The following CACHD1 variants were observed in gnomAD, a reference collection of about 807,000 sequenced individuals.
CACHD1 encodes cache domain containing 1.
Under a neutral mutation model 138.7 loss-of-function variants are expected in CACHD1, and 71 were observed. The observed-to-expected ratio is 0.51, with a 90% CI of 0.42 to 0.62. The LOEUF is 0.62. Among genes scored for constraint, CACHD1 ranks in the 20% least tolerant of loss-of-function variants. The pLI is 0.00. For synonymous variants in CACHD1, 578 were observed against 591.5 expected (o/e 0.98, Z 0.33); for missense variants, 1,389 against 1,625.3 (o/e 0.85, Z 2.50).
At chr1:64,542,723 A>G (rs1646686699) in intron 1 of CACHD1, among the ~76,000 whole-genome samples, 1 of 152,148 alleles carries the variant, frequency 6.6e-6, no homozygotes, top group African/African-American at 2.4e-5. Context: ...AAACTCTATT[A>G]AAGATGATCT....
intron 7 of CACHD1, among the ~76,000 whole-genome samples, chr1:64,634,623 A>T (rs928489009): frequency 6.6e-6 from 1 of 152,098 alleles, no homozygotes; most frequent in Non-Finnish European, 1.5e-5. Context: ...GAACTCAAGC[A>T]ATCCACCTGC....
At chr1:64,652,455 T>TAA in intron 10 of CACHD1, 145 bp downstream of exon 10, 1 of 682,544 alleles carries the variant, frequency 1.5e-6, no homozygotes, top group South Asian at 2.2e-5. Context: ...TAGAACACCG[T>TAA]AAAGATGGCA....
chr1:64,670,539 C>T (rs1243030709), intron 16 of CACHD1, among the ~76,000 whole-genome samples: 5 of 152,164 alleles, frequency 3.3e-5, no homozygotes, highest in Non-Finnish European at 7.4e-5. Context: ...AGCACATGCC[C>T]TCCCAGTTAC....
intron 1 of CACHD1, among the ~76,000 whole-genome samples, chr1:64,524,541 T>C (rs140575337): frequency 7.2e-4 from 110 of 152,332 alleles, no homozygotes; most frequent in Middle Eastern, 3.4e-3. Flanking sequence ...ATGTAATATG[T>C]AGCACTTAAC....
chr1:64,650,060 AAATC>A (rs1175227013), intron 9 of CACHD1, among the ~76,000 whole-genome samples: 1 of 152,212 alleles, frequency 6.6e-6, no homozygotes, highest in Non-Finnish European at 1.5e-5. Flanking sequence ...TTTAAAAAGT[AAATC>A]TATGTGCTTT....
At chr1:64,536,783 A>T (rs1039453042) in intron 1 of CACHD1, among the ~76,000 whole-genome samples, 3 of 152,238 alleles carry the variant, frequency 2.0e-5, no homozygotes, top group Non-Finnish European at 4.4e-5. Context: ...CAGTTTTAAT[A>T]CCAGCTACAT....
intron 1 of CACHD1, among the ~76,000 whole-genome samples, chr1:64,514,476 C>G (rs1036703279): frequency 2.6e-4 from 39 of 152,122 alleles, no homozygotes; most frequent in African/African-American, 8.7e-4. Flanking sequence ...AGTCTTCTAG[C>G]TTTAACATTG....
At chr1:64,689,858 A>G (rs971396433) in intron 26 of CACHD1, among the ~76,000 whole-genome samples, 2 of 152,190 alleles carry the variant, frequency 1.3e-5, no homozygotes, top group Non-Finnish European at 2.9e-5. Context: ...TTATTCCCCC[A>G]GGCAGAATTA....
At chr1:64,649,010 A>T (rs1205113258) in intron 9 of CACHD1, among the ~76,000 whole-genome samples, 1 of 152,182 alleles carries the variant, frequency 6.6e-6, no homozygotes, top group Non-Finnish European at 1.5e-5. Context: ...GTAGCTAATT[A>T]TTAGCCAGAC....
intron 9 of CACHD1, among the ~76,000 whole-genome samples, chr1:64,650,701 T>A (rs1433632828): frequency 6.6e-6 from 1 of 152,216 alleles, no homozygotes; most frequent in East Asian, 1.9e-4. Flanking sequence ...AAGCTCATTC[T>A]TTGTAGAAGC....
chr1:64,557,522 CG>C (rs1442987291), intron 2 of CACHD1, among the ~76,000 whole-genome samples: 1 of 152,118 alleles, frequency 6.6e-6, no homozygotes, highest in African/African-American at 2.4e-5. Context: ...ATACAGGAGA[CG>C]TACCTGACAT....
Position 64,663,844 on chromosome 1 carries a change from A to G in CACHD1, c.2094+7A>G, listed in dbSNP as rs1041986875. On this transcript the variant is annotated splice_region_variant and intron_variant, in intron 14 of 26. Coordinates refer to ENST00000651257, the MANE Select transcript of CACHD1 (RefSeq NM_020925.4). Reference sequence around the variant, plus strand: ...TGCTAACCCGGGCCTCAAAGTAAGCATTGGCGCAGAGCTCCATTTCTGGTG... The same window carrying G: ...TGCTAACCCGGGCCTCAAAGTAAGCGTTGGCGCAGAGCTCCATTTCTGGTG... 8 of 1,613,986 alleles carry G rather than the reference A, an allele frequency of 5.0e-6. No individual in the cohort carries two copies. The African/African-American group carries it at 6.7e-5, about 13-fold the overall frequency.
chr1:64,641,974 G>A lies in CACHD1; in HGVS notation c.1156+5G>A. ...TCACCTATGCCCTCATGAACGGTAG[G>A]TAGAGTTTCAAGATATTCCTTTCAG... On this transcript the variant is annotated splice_donor_5th_base_variant and intron_variant, in intron 8 of 26. Coordinates refer to ENST00000651257, the MANE Select transcript of CACHD1 (RefSeq NM_020925.4). 6.5e-7 allele frequency: 1 copy of A among 1,549,428 alleles called. No individual in the cohort carries two copies. Among genetic ancestry groups the A allele is most frequent in the Non-Finnish European group, 8.7e-7 (1 of 1,155,800 alleles).
At chr1:64,522,987 C>T (rs1034920271) in intron 1 of CACHD1, among the ~76,000 whole-genome samples, 2 of 152,194 alleles carry the variant, frequency 1.3e-5, no homozygotes, top group Non-Finnish European at 2.9e-5. Flanking sequence ...TAAGTGCTGG[C>T]ACAGTTTTAA....
At chr1:64,631,597 G>T (rs899467031) in intron 5 of CACHD1, among the ~76,000 whole-genome samples, 3 of 152,142 alleles carry the variant, frequency 2.0e-5, no homozygotes, top group Non-Finnish European at 4.4e-5. Flanking sequence ...CAGTAAAGGA[G>T]AGAATTCTCT....
rs1648956598 is a variant in CACHD1, at chr1:64,647,762, T to C, written c.1157-39T>C. The C allele has an allele frequency of 1.9e-6, 3 of 1,576,682 alleles. No individual in the cohort carries two copies. In the South Asian group the frequency reaches 3.4e-5, roughly 18 times the overall value. On this transcript the variant is annotated intron_variant, in intron 8 of 26. Transcript: ENST00000651257. ...CAAGAGGTTGAATGGATATAAACCA[T>C]TTTGCTTTCCGTGGTCTTCTCTCGG...
At chr1:64,538,606 T>C (rs748120122) in intron 1 of CACHD1, among the ~76,000 whole-genome samples, 1 of 152,214 alleles carries the variant, frequency 6.6e-6, no homozygotes, top group Admixed American at 6.5e-5. Context: ...CACCAGACTG[T>C]AGAGCTAGTT....
At chr1:64,681,872 T>C in intron 25 of CACHD1, 133 bp from the exon 26 acceptor site, 2 of 767,328 alleles carry the variant, frequency 2.6e-6, no homozygotes, top group Non-Finnish European at 4.3e-6. Flanking sequence ...CAGAATTGTT[T>C]AAAAAATGAT....
rs533856398 is a variant in CACHD1 at position 64,599,137 on chromosome 1, A to G, written c.411-3669A>G. 2.0e-4 allele frequency among the ~76,000 whole-genome samples: 30 copies of G among 152,072 alleles called. No individual in the cohort carries two copies. The South Asian group carries it at 6.0e-3, about 30-fold the overall frequency. On this transcript the variant is annotated intron_variant, in intron 3 of 26. Transcript: ENST00000651257. ...AGACACTAAATCTGCCAGTACCTTA[A>G]TCATGGACTTCCCAGCCTCCAGACT...
Sources: allele counts gnomAD v4.1 joint callset (sites outside exome capture counted in the v4.1 genomes callset), GRCh38; gene constraint gnomAD v4.1.1; transcripts MANE v1.5; gene names NCBI Gene and HGNC (gene_info 2026-07-23, HGNC 2026-07-21).